KLHL8: variants seen among roughly 807,000 people sequenced by gnomAD.
KLHL8 encodes the protein kelch-like protein 8.
Under a neutral mutation model 63.5 loss-of-function variants are expected in KLHL8, and 38 were observed. The ratio of observed to expected loss-of-function variants is 0.60; its 90% CI spans 0.46 to 0.78. The LOEUF (loss-of-function observed/expected upper bound fraction) is 0.78. Among genes scored for constraint, KLHL8 ranks in the 30% least tolerant of loss-of-function variants. The probability of loss-of-function intolerance (pLI) is 0.00; values close to 1 mark genes in which losing one functional copy is unlikely to be tolerated. For missense variants in KLHL8, 566 were observed against 752.4 expected (o/e 0.75, Z 2.90); for synonymous variants, 224 against 254.3 (o/e 0.88, Z 1.13).
rs1372528035 is a variant in KLHL8 at position 87,183,409 on chromosome 4, C to T, written c.766-20G>A. The T allele has an allele frequency of 1.3e-6, 2 of 1,490,790 alleles. No individual in the cohort carries two copies. Among genetic ancestry groups the T allele is most frequent in the African/African-American group, 1.4e-5 (1 of 71,240 alleles). The allele number at this position is 1,490,790 out of a possible 1,614,324, so 92.3% of individuals were successfully genotyped here. On this transcript the variant is annotated intron_variant, in intron 3 of 9. Coordinates refer to ENST00000273963, the MANE Select transcript of KLHL8 (RefSeq NM_020803.5). ...GCGAACCTAAGATCATGAATAGTTGCAATACAACAAATTTTATATTTTCTT... is the reference window on the plus strand; with the variant it reads ...GCGAACCTAAGATCATGAATAGTTGTAATACAACAAATTTTATATTTTCTT...
chr4:87,219,994 G>GCCGCA (rs1358632691), intron 1 of KLHL8: 5 of 152,270 alleles, frequency 3.3e-5, no homozygotes, highest in African/African-American at 1.2e-4. Flanking sequence ...ACCCGCGCCA[G>GCCGCA]CCGCACCGCG....
chr4:87,186,985 A>AT (rs1171514866), intron 2 of KLHL8, among the ~76,000 whole-genome samples: 1 of 152,002 alleles, frequency 6.6e-6, no homozygotes, highest in East Asian at 1.9e-4. Context: ...GTAAAAAAAA[A>AT]ACACTGCAAT....
At chr4:87,234,140 T>C (rs920741178) in intron 1 of KLHL8, among the ~76,000 whole-genome samples, 3 of 152,272 alleles carry the variant, frequency 2.0e-5, no homozygotes, top group Non-Finnish European at 2.9e-5. Context: ...GGTGGTGTCA[T>C]AAGATTATAG....
Position 87,160,642 on chromosome 4 carries a change from C to A in KLHL8, c.*2877G>T, listed in dbSNP as rs1346794218. 1 of 152,142 alleles carries A rather than the reference C, an allele frequency of 6.6e-6. No homozygotes were observed. Among genetic ancestry groups the A allele is most frequent in the East Asian group, 1.9e-4 (1 of 5,200 alleles). 9.4% of individuals were successfully genotyped at this position (152,142 alleles called of 1,614,324 possible). ...TAATTACATAAGTATATAGTGAAATCTGTCAAAAACAATGTCAAGTAACTT... is the reference window on the plus strand; with the variant it reads ...TAATTACATAAGTATATAGTGAAATATGTCAAAAACAATGTCAAGTAACTT... On this transcript the variant is annotated 3_prime_UTR_variant, in exon 10 of 10. Coordinates refer to ENST00000273963, the MANE Select transcript of KLHL8 (RefSeq NM_020803.5).
At chr4:87,183,806 T>C (rs1419197896) in intron 3 of KLHL8, among the ~76,000 whole-genome samples, 1 of 152,236 alleles carries the variant, frequency 6.6e-6, no homozygotes, top group African/African-American at 2.4e-5. Flanking sequence ...CTTTTTAAGC[T>C]AAGATTAAAC....
intron 1 of KLHL8, among the ~76,000 whole-genome samples, chr4:87,206,642 C>A (rs1560712253): frequency 6.6e-6 from 1 of 152,182 alleles, no homozygotes; most frequent in African/African-American, 2.4e-5. Flanking sequence ...TAAGTCCATT[C>A]TTTTTCTACT....
intron 4 of KLHL8, among the ~76,000 whole-genome samples, chr4:87,181,284 G>A (rs935038652): frequency 2.1e-4 from 30 of 143,046 alleles, no homozygotes; most frequent in South Asian, 1.1e-3. Context: ...AAAAAAAAAA[G>A]AAAAAAAAAA....
intron 8 of KLHL8, among the ~76,000 whole-genome samples, chr4:87,168,686 G>GTA (rs545015258): frequency 1.4e-5 from 2 of 145,396 alleles, no homozygotes; most frequent in Admixed American, 6.9e-5. Context: ...ATATATGTGT[G>GTA]TATATATATA....
intron 1 of KLHL8, among the ~76,000 whole-genome samples, chr4:87,213,021 T>C (rs1009814723): frequency 6.6e-6 from 1 of 152,252 alleles, no homozygotes; most frequent in African/African-American, 2.4e-5. Flanking sequence ...TGTTAAATAC[T>C]AATGTCATTT....
Position 87,161,829 on chromosome 4 carries a change from A to G in KLHL8, c.*1690T>C, listed in dbSNP as rs1730187157. 2.0e-5 allele frequency: 3 copies of G among 152,242 alleles called. No individual in the cohort carries two copies. The highest frequency in any genetic ancestry group is 2.0e-4 in the Admixed American group (3 of 15,286). The allele number at this position is 152,242 out of a possible 1,614,324, so 9.4% of individuals were successfully genotyped here. On this transcript the variant is annotated 3_prime_UTR_variant, in exon 10 of 10. Transcript: ENST00000273963. ...ACTGGTTCAGATCCAGCAATGACTT[A>G]TGAACTTGCCCATAGGTAGAAAAAA...
At position 87,170,595 on chromosome 4, in the gene KLHL8, G is replaced by A. The variant is rs1045657023; in HGVS notation, c.1229C>T (p.Ser410Phe). Residue 410 changes from serine to phenylalanine, a missense_variant, in exon 7 of 10, where the codon TCC (serine) becomes TTC (phenylalanine). By Grantham distance (155) the Ser-to-Phe change is radical. Transcript: ENST00000273963. ...AATTGCATAAATTGGGCCTCCTAAG[G>A]AAGCCAAGGCAATTCCTCGCCTGCA... is the stretch of plus-strand genomic sequence containing the variant. ...NTKRRGIALA[S>F]LGGPIYAIGG... The A allele has an allele frequency of 1.9e-6, 3 of 1,611,550 alleles. No homozygotes were observed. Among genetic ancestry groups the A allele is most frequent in the African/African-American group, 2.7e-5 (2 of 74,758 alleles).
At chr4:87,186,007 C>CATAT (rs560552214) in intron 2 of KLHL8, among the ~76,000 whole-genome samples, 1 of 151,302 alleles carries the variant, frequency 6.6e-6, no homozygotes, top group African/African-American at 2.4e-5. Flanking sequence ...ATATCATATT[C>CATAT]ATATATATAT....
intron 1 of KLHL8, among the ~76,000 whole-genome samples, chr4:87,238,535 A>G (rs986608679): frequency 2.0e-5 from 3 of 152,168 alleles, no homozygotes; most frequent in Non-Finnish European, 4.4e-5. Context: ...AAAGTTCTAT[A>G]TCTGTTCTTT....
chr4:87,178,761 T>A, intron 4 of KLHL8, 141 bp from the exon 5 acceptor site: 1 of 793,512 alleles, frequency 1.3e-6, no homozygotes, highest in Non-Finnish European at 1.8e-6. Flanking sequence ...ACTAGAAATC[T>A]AATAAAATTT....
intron 8 of KLHL8, among the ~76,000 whole-genome samples, chr4:87,164,873 G>A (rs916499003): frequency 3.3e-5 from 5 of 152,236 alleles, no homozygotes; most frequent in Middle Eastern, 3.4e-3. Context: ...CAGAGGCCGG[G>A]CGCGGTGGCT....
At chr4:87,192,312 G>A (rs1731525165) in intron 2 of KLHL8, among the ~76,000 whole-genome samples, 1 of 152,190 alleles carries the variant, frequency 6.6e-6, no homozygotes, top group African/African-American at 2.4e-5. Flanking sequence ...CATTCTGACT[G>A]ATGTGAGATG....
chr4:87,175,865 A>G (rs868025013), intron 6 of KLHL8, among the ~76,000 whole-genome samples: 6 of 152,150 alleles, frequency 3.9e-5, no homozygotes, highest in African/African-American at 1.2e-4. Context: ...ATTGAGGACT[A>G]TTTTCTTAAC....
upstream of KLHL8, among the ~76,000 whole-genome samples, chr4:87,223,125 G>GT (rs1553950067): frequency 6.8e-6 from 1 of 147,712 alleles, no homozygotes; most frequent in African/African-American, 2.5e-5. Flanking sequence ...TAATTTTTTT[G>GT]TTTGTTTTGT....
chr4:87,237,914 G>A (rs1733261298), intron 1 of KLHL8, among the ~76,000 whole-genome samples: 1 of 152,088 alleles, frequency 6.6e-6, no homozygotes, highest in African/African-American at 2.4e-5. Context: ...AAACATATCT[G>A]TGTTCTGTTA....
Sources: allele counts gnomAD v4.1 joint callset (sites outside exome capture counted in the v4.1 genomes callset), GRCh38; gene constraint gnomAD v4.1.1; transcripts MANE v1.5; gene names NCBI Gene and HGNC (gene_info 2026-07-23, HGNC 2026-07-21).